The following ARMC2 variants were observed in gnomAD, a reference collection of about 807,000 sequenced individuals.
ARMC2 encodes armadillo repeat-containing protein 2.
In ARMC2, 67 loss-of-function variants were observed where a neutral mutation model predicts 90.3. The observed-to-expected ratio is 0.74, with a 90% CI of 0.61 to 0.91. ARMC2 has a LOEUF of 0.91. Ranked by LOEUF, ARMC2 falls within the 40% of genes least tolerant of loss-of-function variation. ARMC2 has a pLI of 0.00. For synonymous variants in ARMC2, 393 were observed against 393.0 expected (o/e 1.00, Z 0.00); for missense variants, 920 against 1,030.9 (o/e 0.89, Z 1.47).
intron 17 of ARMC2, among the ~76,000 whole-genome samples, chr6:108,970,940 T>C (rs1778720562): frequency 6.6e-6 from 1 of 152,170 alleles, no homozygotes; most frequent in Non-Finnish European, 1.5e-5. Context: ...GTGAAATCAC[T>C]GGCTGGGCGC....
At chr6:109,011,457 C>T in the ARMC2 span, among the ~76,000 whole-genome samples, 1 of 151,984 alleles carries the variant, frequency 6.6e-6, no homozygotes, top group Non-Finnish European at 1.5e-5. Context: ...GTCAAGATTC[C>T]TTTATGGTCT....
At chr6:108,930,297 T>C (rs1290369468) in intron 11 of ARMC2, among the ~76,000 whole-genome samples, 3 of 152,148 alleles carry the variant, frequency 2.0e-5, no homozygotes, top group Non-Finnish European at 4.4e-5. Flanking sequence ...ACTAGGAGTT[T>C]GTCTATAGAT....
At chr6:108,916,307 G>A (rs1432041268) in intron 10 of ARMC2, among the ~76,000 whole-genome samples, 8 of 152,302 alleles carry the variant, frequency 5.3e-5, no homozygotes, top group African/African-American at 1.9e-4. Context: ...GGTGATCCCT[G>A]TATCCAGATA....
At chr6:108,960,164 T>C (rs1446885414) in intron 13 of ARMC2, among the ~76,000 whole-genome samples, 1 of 152,176 alleles carries the variant, frequency 6.6e-6, no homozygotes, top group East Asian at 1.9e-4. Flanking sequence ...TCCTGTGCCC[T>C]TATTTCAGAC....
chr6:108,996,260 G>A, the ARMC2 span, among the ~76,000 whole-genome samples: 3 of 152,150 alleles, frequency 2.0e-5, no homozygotes, highest in African/African-American at 7.2e-5. Context: ...GATCCAAACA[G>A]TTATACTGAA....
the ARMC2 span, among the ~76,000 whole-genome samples, chr6:108,995,777 T>C: frequency 6.6e-6 from 1 of 152,078 alleles, no homozygotes; most frequent in Admixed American, 6.6e-5. Flanking sequence ...GAGAGAGACT[T>C]TGTCTCAAAA....
the ARMC2 span, chr6:109,009,611 A>T: frequency 9.8e-7 from 1 of 1,016,404 alleles, no homozygotes; most frequent in Non-Finnish European, 1.2e-6. Flanking sequence ...CGCGCCCGTC[A>T]TTTCACCGCC....
chr6:108,935,775 A>T (rs1366412312), intron 11 of ARMC2, among the ~76,000 whole-genome samples: 2 of 151,864 alleles, frequency 1.3e-5, no homozygotes, highest in Non-Finnish European at 2.9e-5. Context: ...AATATTTTTT[A>T]TTACTCGTAT....
rs557876796 is a variant in ARMC2, at chr6:108,956,397, T to C, written c.1915+3046T>C. The stretch of plus-strand genomic sequence containing the variant: ...CTCAAAAGAAAGTGATGCTTTGGGG[T>C]AGGAGAAAGAGGCAAGAGGCTGGGC... On this transcript the variant is annotated intron_variant, in intron 13 of 17. Transcript: ENST00000392644. Among the ~76,000 whole-genome samples the C allele has an allele frequency of 1.1e-4, 17 of 152,010 alleles. No individual in the cohort carries two copies. In the South Asian group the frequency reaches 1.2e-3, roughly 11 times the overall value.
chr6:108,994,698 CT>C, the ARMC2 span: 37,435 of 290,944 alleles, frequency 0.13, 5 homozygotes, highest in South Asian at 0.19. Context: ...GAATTTATAT[CT>C]TTTTTTTTTT....
chr6:108,879,866 G>A (rs1777347074), intron 5 of ARMC2: 2 of 461,076 alleles, frequency 4.3e-6, no homozygotes, highest in African/African-American at 2.0e-5. Context: ...ACTTTCAGGG[G>A]CTCAGTTTTC....
intron 13 of ARMC2, among the ~76,000 whole-genome samples, chr6:108,960,711 G>A (rs1036028038): frequency 1.3e-4 from 20 of 152,222 alleles, no homozygotes; most frequent in African/African-American, 4.8e-4. Flanking sequence ...GTCCAACAAG[G>A]CGGCATGTAA....
chr6:108,958,556 G>A (rs1356508718), intron 13 of ARMC2, among the ~76,000 whole-genome samples: 1 of 152,096 alleles, frequency 6.6e-6, no homozygotes, highest in Non-Finnish European at 1.5e-5. Flanking sequence ...GCATTTTCTG[G>A]ACAAGCTAAC....
chr6:108,964,773 G>C (rs566157289), intron 16 of ARMC2, among the ~76,000 whole-genome samples: 69 of 151,798 alleles, frequency 4.5e-4, no homozygotes, highest in African/African-American at 1.6e-3. Flanking sequence ...CTGGGCAACA[G>C]AGTGAGACTC....
At chr6:108,976,672 C>T (rs753371386), downstream of ARMC2, among the ~76,000 whole-genome samples, 45 of 152,062 alleles carry the variant, frequency 3.0e-4, no homozygotes, top group Non-Finnish European at 6.0e-4. Flanking sequence ...TCCTCTCTTA[C>T]TTCCTTGAGC....
chr6:108,896,907 C>T (rs1771664575), intron 6 of ARMC2, among the ~76,000 whole-genome samples: 1 of 152,122 alleles, frequency 6.6e-6, no homozygotes, highest in Non-Finnish European at 1.5e-5. Flanking sequence ...AAATAACTCG[C>T]CTGACTTATT....
the ARMC2 span, among the ~76,000 whole-genome samples, chr6:109,010,115 C>T: frequency 6.6e-6 from 1 of 152,170 alleles, no homozygotes; most frequent in Non-Finnish European, 1.5e-5. Flanking sequence ...GATAATAAAC[C>T]TTGGTAGCCT....
chr6:109,024,515 C>T, the ARMC2 span, among the ~76,000 whole-genome samples: 1 of 152,320 alleles, frequency 6.6e-6, no homozygotes, highest in Non-Finnish European at 1.5e-5. Context: ...ATTAGTGCTT[C>T]TTACTCATGT....
chr6:108,999,020 C>A, the ARMC2 span: 1 of 258,622 alleles, frequency 3.9e-6, no homozygotes, highest in Non-Finnish European at 7.4e-6. Context: ...ATGCATTTTG[C>A]TTAAAAGTGG....
Sources: gnomAD v4.1 joint callset for allele counts (sites outside exome capture counted in the v4.1 genomes callset) on GRCh38, gnomAD v4.1.1 for gene constraint, MANE v1.5 for transcripts, NCBI Gene and HGNC (gene_info 2026-07-23, HGNC 2026-07-21) for gene names.